The following KHDRBS2 variants were observed in gnomAD, a reference collection of about 807,000 sequenced individuals.
KHDRBS2 encodes the protein KH RNA binding domain containing, signal transduction associated 2.
In KHDRBS2, 26 loss-of-function variants were observed where a neutral mutation model predicts 44.3. The ratio of observed to expected loss-of-function variants is 0.59; its 90% CI spans 0.43 to 0.81. KHDRBS2 has a LOEUF of 0.81. Among genes scored for constraint, KHDRBS2 ranks in the 40% least tolerant of loss-of-function variants. The probability of loss-of-function intolerance (pLI) is 0.00; values close to 1 mark genes in which losing one functional copy is unlikely to be tolerated. For missense variants in KHDRBS2, 476 were observed against 433.1 expected (o/e 1.10, Z -0.88); for synonymous variants, 194 against 151.1 (o/e 1.28, Z -2.08).
intron 2 of KHDRBS2, among the ~76,000 whole-genome samples, chr6:62,048,888 A>G (rs1281069635): frequency 6.6e-6 from 1 of 151,938 alleles, no homozygotes; most frequent in Non-Finnish European, 1.5e-5. Flanking sequence ...ATAAAGAACA[A>G]TGATAAGTAA....
At chr6:61,902,701 G>A (rs1394425164) in intron 4 of KHDRBS2, among the ~76,000 whole-genome samples, 1 of 152,058 alleles carries the variant, frequency 6.6e-6, no homozygotes, top group Non-Finnish European at 1.5e-5. Context: ...GTAGAGGTTT[G>A]GCTAACAGAT....
intron 1 of KHDRBS2, among the ~76,000 whole-genome samples, chr6:62,207,968 G>A (rs1291248711): frequency 6.6e-6 from 1 of 151,870 alleles, no homozygotes; most frequent in South Asian, 2.1e-4. Context: ...GCCTTTTGTT[G>A]TACATTAGAT....
the KHDRBS2 span, among the ~76,000 whole-genome samples, chr6:61,584,163 A>C: frequency 6.6e-6 from 1 of 151,908 alleles, no homozygotes. Context: ...TCAAAGATAA[A>C]GACAGTCTTA....
the KHDRBS2 span, among the ~76,000 whole-genome samples, chr6:61,565,970 T>G: frequency 2.0e-5 from 3 of 150,506 alleles, no homozygotes; most frequent in East Asian, 5.9e-4. Context: ...TCTGTGTCCA[T>G]CAACAGATGT....
At chr6:61,618,455 A>AT in the KHDRBS2 span, among the ~76,000 whole-genome samples, 1 of 152,082 alleles carries the variant, frequency 6.6e-6, no homozygotes, top group South Asian at 2.1e-4. Context: ...TTATTTATGT[A>AT]TTTGTCTATT....
At chr6:61,919,035 A>C (rs1193164123) in intron 4 of KHDRBS2, among the ~76,000 whole-genome samples, 1 of 151,914 alleles carries the variant, frequency 6.6e-6, no homozygotes, top group Non-Finnish European at 1.5e-5. Flanking sequence ...ACTTGACCCC[A>C]CTTCTGGAGA....
intron 2 of KHDRBS2, among the ~76,000 whole-genome samples, chr6:62,144,313 T>C (rs530185797): frequency 2.6e-5 from 4 of 151,964 alleles, no homozygotes; most frequent in Admixed American, 1.3e-4. Context: ...AAAATATTTA[T>C]TTTTAAAATT....
chr6:61,980,981 CAT>C (rs1332190605), intron 3 of KHDRBS2, among the ~76,000 whole-genome samples: 2 of 152,106 alleles, frequency 1.3e-5, no homozygotes, highest in Non-Finnish European at 2.9e-5. Context: ...ATGTTATACA[CAT>C]GTTTACCCAC....
intron 1 of KHDRBS2, among the ~76,000 whole-genome samples, chr6:62,251,540 A>C (rs151193554): frequency 2.0e-5 from 3 of 151,758 alleles, no homozygotes; most frequent in East Asian, 2.0e-4. Context: ...TAAGCAGTCC[A>C]AATCCAAAGT....
chr6:61,598,066 G>T, the KHDRBS2 span, among the ~76,000 whole-genome samples: 1 of 150,714 alleles, frequency 6.6e-6, no homozygotes, highest in Non-Finnish European at 1.5e-5. Flanking sequence ...GGCTGTGGGA[G>T]CAGTGTCTCC....
chr6:62,065,392 A>G (rs1793359290), intron 2 of KHDRBS2, among the ~76,000 whole-genome samples: 1 of 151,858 alleles, frequency 6.6e-6, no homozygotes, highest in Non-Finnish European at 1.5e-5. Context: ...CCAAATGTCC[A>G]ACAATGATAG....
intron 6 of KHDRBS2, among the ~76,000 whole-genome samples, chr6:61,807,495 A>G (rs77069365): frequency 2.6e-5 from 4 of 152,194 alleles, no homozygotes; most frequent in African/African-American, 9.7e-5. Flanking sequence ...ATCCATAAAA[A>G]GAATGAGATC....
intron 7 of KHDRBS2, among the ~76,000 whole-genome samples, chr6:61,722,942 C>T (rs1772920012): frequency 6.6e-6 from 1 of 152,026 alleles, no homozygotes; most frequent in South Asian, 2.1e-4. Flanking sequence ...ATCTCCTCAC[C>T]TCGTGATCTG....
intron 4 of KHDRBS2, among the ~76,000 whole-genome samples, chr6:61,915,455 T>C (rs1215453645): frequency 6.6e-6 from 1 of 152,046 alleles, no homozygotes; most frequent in East Asian, 1.9e-4. Flanking sequence ...AAGGGGCTTT[T>C]TGTGATAGCA....
chr6:61,552,445 G>A, the KHDRBS2 span, among the ~76,000 whole-genome samples: 25 of 152,044 alleles, frequency 1.6e-4, no homozygotes, highest in Non-Finnish European at 2.8e-4. Context: ...GTATAGAATC[G>A]TATTGTCTGA....
chr6:61,555,117 C>A, the KHDRBS2 span, among the ~76,000 whole-genome samples: 3 of 152,110 alleles, frequency 2.0e-5, no homozygotes, highest in African/African-American at 7.2e-5. Flanking sequence ...TGTTTTCTTT[C>A]TCTTCCTGTC....
At chr6:61,816,684 T>C in intron 6 of KHDRBS2, 1 of 429,666 alleles carries the variant, frequency 2.3e-6, no homozygotes, top group Non-Finnish European at 4.7e-6. Flanking sequence ...AATCCAGTTT[T>C]GCAAAGACAG....
the KHDRBS2 span, among the ~76,000 whole-genome samples, chr6:61,649,690 T>C: frequency 9.9e-5 from 15 of 152,284 alleles, no homozygotes; most frequent in African/African-American, 1.2e-4. Flanking sequence ...AATTCCTCCA[T>C]TTCCAATCCA....
intron 4 of KHDRBS2, among the ~76,000 whole-genome samples, chr6:61,910,888 C>T (rs1463366409): frequency 6.6e-6 from 1 of 152,110 alleles, no homozygotes; most frequent in Non-Finnish European, 1.5e-5. Context: ...AATAAATTTT[C>T]TTGGCAAATT....
Sources: gnomAD v4.1 joint callset for allele counts (sites outside exome capture counted in the v4.1 genomes callset) on GRCh38, gnomAD v4.1.1 for gene constraint, MANE v1.5 for transcripts, NCBI Gene and HGNC (gene_info 2026-07-23, HGNC 2026-07-21) for gene names.